The following KIDINS220 variants were observed in gnomAD, a reference collection of about 807,000 sequenced individuals.
The protein encoded by KIDINS220 is kinase D-interacting substrate of 220 kDa.
Under a neutral mutation model 157.6 loss-of-function variants are expected in KIDINS220, and 63 were observed. The ratio of observed to expected loss-of-function variants is 0.40; its 90% CI spans 0.33 to 0.49. The LOEUF (loss-of-function observed/expected upper bound fraction) is 0.49. KIDINS220 is among the 20% of genes least tolerant of loss of function. The pLI is 0.66. For synonymous variants in KIDINS220, 732 were observed against 783.6 expected (o/e 0.93, Z 1.10); for missense variants, 1,772 against 2,171.2 (o/e 0.82, Z 3.65).
intron 8 of KIDINS220, among the ~76,000 whole-genome samples, chr2:8,801,153 T>C (rs1341280706): frequency 6.6e-6 from 1 of 152,218 alleles, no homozygotes; most frequent in East Asian, 1.9e-4. Context: ...TATCTACCTA[T>C]ACTTAAAATA....
intron 26 of KIDINS220, 31 bp from the exon 27 acceptor site, chr2:8,737,030 A>T (rs754350921): frequency 6.2e-7 from 1 of 1,611,168 alleles, no homozygotes; most frequent in African/African-American, 1.3e-5. Context: ...TACAGGTATG[A>T]ATAAGCATTT....
intron 22 of KIDINS220, among the ~76,000 whole-genome samples, chr2:8,755,927 G>A (rs1667957172): frequency 6.6e-6 from 1 of 152,170 alleles, no homozygotes; most frequent in African/African-American, 2.4e-5. Context: ...CTCCAACTTT[G>A]TTCTTCTTTT....
rs183430636 is a variant in KIDINS220 at position 8,753,675 on chromosome 2, G to A, written c.3012-2031C>T. On this transcript the variant is annotated intron_variant, in intron 22 of 29. Coordinates refer to ENST00000256707, the MANE Select transcript of KIDINS220 (RefSeq NM_020738.4). ...TGCAGAGGAGCAGTAAGATTTTCACGCCCTTCAAAAAGTGAAATGGGAACC... is the reference window on the plus strand; with the variant it reads ...TGCAGAGGAGCAGTAAGATTTTCACACCCTTCAAAAAGTGAAATGGGAACC... Among the ~76,000 whole-genome samples the A allele has an allele frequency of 2.0e-5, 3 of 152,268 alleles. No individual in the cohort carries two copies. The East Asian group carries it at 5.8e-4, about 29-fold the overall frequency.
In KIDINS220 at chr2:8,798,265, T is replaced by C. The variant is rs747039408; in HGVS notation, c.936A>G (p.Lys312=). 2 of 1,611,668 alleles carry C rather than the reference T, an allele frequency of 1.2e-6. No individual in the cohort carries two copies. Among genetic ancestry groups the C allele is most frequent in the Non-Finnish European group, 8.5e-7 (1 of 1,177,986 alleles). ...TATCTCTCACCATTGTTGCATTTCC[T>C]TTCTCAACAGCCCAATACAAAGCAG... The part of the protein sequence containing the change: ...NKTALYWAVE[K]GNATMVRDIL... Residue 312 remains lysine, a synonymous_variant, in exon 10 of 30, where the codon AAA becomes AAG. Transcript: ENST00000256707.
chr2:8,827,842 C>T (rs1201846293), intron 1 of KIDINS220, among the ~76,000 whole-genome samples: 1 of 152,050 alleles, frequency 6.6e-6, no homozygotes, highest in African/African-American at 2.4e-5. Context: ...TTTTTTAAAA[C>T]TTTAACATAT....
chr2:8,824,203 A>G (rs1678417256), intron 2 of KIDINS220, among the ~76,000 whole-genome samples: 1 of 152,226 alleles, frequency 6.6e-6, no homozygotes, highest in Admixed American at 6.5e-5. Context: ...TAAGTATTCA[A>G]TAAAAACATT....
At chr2:8,791,919 T>C (rs2148279928) in intron 12 of KIDINS220, among the ~76,000 whole-genome samples, 1 of 152,270 alleles carries the variant, frequency 6.6e-6, no homozygotes, top group South Asian at 2.1e-4. Context: ...TGAAGGGTAG[T>C]TGCCACTGGA....
Position 8,778,958 on chromosome 2 carries a change from T to C in KIDINS220, c.2552A>G (p.Asn851Ser). Residue 851 changes from asparagine to serine, a missense_variant, in exon 19 of 30, where the codon AAT becomes AGT. This residue lies in a region of KIDINS220 where 725 missense variants were observed against 1,017.1 expected (regional missense o/e 0.71). Coordinates refer to ENST00000256707, the MANE Select transcript of KIDINS220 (RefSeq NM_020738.4). ...TGAAGTTACGAGAAATTTTCTTGCATTGCTTAGTCCACGACTATTAAGGAA... is the reference window on the plus strand; with the variant it reads ...TGAAGTTACGAGAAATTTTCTTGCACTGCTTAGTCCACGACTATTAAGGAA... ...PVFLNSRGLS[N>S]ARKFLVTSAT... 1.9e-6 allele frequency: 3 copies of C among 1,614,158 alleles called. No individual in the cohort carries two copies. The highest frequency in any genetic ancestry group is 2.5e-6 in the Non-Finnish European group (3 of 1,180,000).
chr2:8,779,622 T>C, intron 18 of KIDINS220, 52 bp downstream of exon 18: 1 of 1,554,654 alleles, frequency 6.4e-7, no homozygotes, highest in Non-Finnish European at 8.7e-7. Context: ...TCAAACATTC[T>C]CTCAAGTGCC....
At position 8,750,339 on chromosome 2, in the gene KIDINS220, A is replaced by G. The variant is rs1667179506; in HGVS notation, c.3191-4T>C. 6.5e-7 allele frequency: 1 copy of G among 1,541,716 alleles called. No homozygotes were observed. Among genetic ancestry groups the G allele is most frequent in the Non-Finnish European group, 8.8e-7 (1 of 1,138,278 alleles). Reference sequence around the variant, plus strand: ...TGCTCTCTGGCAGCACGAACATCTGAAAGATTCAATCAGACCCCAGAAGGC... The same window carrying G: ...TGCTCTCTGGCAGCACGAACATCTGGAAGATTCAATCAGACCCCAGAAGGC... On this transcript the variant is annotated splice_region_variant and splice_polypyrimidine_tract_variant and intron_variant, in intron 23 of 29. Transcript: ENST00000256707.
At chr2:8,740,970 G>A (rs984038785) in intron 26 of KIDINS220, among the ~76,000 whole-genome samples, 2 of 152,240 alleles carry the variant, frequency 1.3e-5, no homozygotes, top group Admixed American at 6.5e-5. Flanking sequence ...CTAGCCTGAC[G>A]TTTGATGTCT....
Position 8,822,183 on chromosome 2 carries a change from G to GGTTCCCATTTCTAC in KIDINS220, c.109-3404_109-3391dup, listed in dbSNP as rs560812283. The stretch of plus-strand genomic sequence containing the variant: ...ATCTTTTTGCTCTTCCCAATTTCTA[G>GGTTCCCATTTCTAC]GTTCCCATTTCTACTTATTTAAGTG... On this transcript the variant is annotated intron_variant, in intron 2 of 29. Coordinates refer to ENST00000256707, the MANE Select transcript of KIDINS220 (RefSeq NM_020738.4). Among the ~76,000 whole-genome samples, 611 of 152,144 alleles carry GGTTCCCATTTCTAC rather than the reference G, an allele frequency of 4.0e-3. 7 individuals are homozygous for GGTTCCCATTTCTAC. Among genetic ancestry groups the GGTTCCCATTTCTAC allele is most frequent in the African/African-American group, 0.014 (582 of 41,510 alleles).
At chr2:8,732,021 A>T in intron 29 of KIDINS220, 39 bp from the exon 30 acceptor site, 1 of 1,482,864 alleles carries the variant, frequency 6.7e-7, no homozygotes, top group South Asian at 1.4e-5. Context: ...AAATTCAAAT[A>T]AGAAGAAAAA....
chr2:8,747,507 C>A, intron 25 of KIDINS220: 1 of 451,864 alleles, frequency 2.2e-6, no homozygotes, highest in Non-Finnish European at 4.0e-6. Flanking sequence ...TCAATACATC[C>A]TCTATTTTTT....
chr2:8,821,976 C>T (rs1344742602), intron 2 of KIDINS220, among the ~76,000 whole-genome samples: 1 of 152,134 alleles, frequency 6.6e-6, no homozygotes, highest in Non-Finnish European at 1.5e-5. Flanking sequence ...CAGCAAATTC[C>T]ATGCCTATCT....
intron 1 of KIDINS220, among the ~76,000 whole-genome samples, chr2:8,832,975 G>A (rs1679873031): frequency 1.3e-5 from 2 of 151,988 alleles, no homozygotes; most frequent in Non-Finnish European, 2.9e-5. Flanking sequence ...CATAGGATGT[G>A]TGATGATCAA....
At chr2:8,767,181 A>G (rs1669595718) in intron 22 of KIDINS220, among the ~76,000 whole-genome samples, 1 of 152,206 alleles carries the variant, frequency 6.6e-6, no homozygotes, top group Non-Finnish European at 1.5e-5. Flanking sequence ...ATCTTTAAAA[A>G]GATAAAGATA....
intron 13 of KIDINS220, among the ~76,000 whole-genome samples, chr2:8,790,622 T>G (rs1038139613): frequency 3.9e-5 from 6 of 152,086 alleles, no homozygotes; most frequent in African/African-American, 1.4e-4. Context: ...CCTTGAAGAA[T>G]AAGTAAGCTT....
At chr2:8,794,740 T>C (rs1019558571) in intron 11 of KIDINS220, among the ~76,000 whole-genome samples, 2 of 152,234 alleles carry the variant, frequency 1.3e-5, no homozygotes, top group African/African-American at 4.8e-5. Flanking sequence ...TGCTCTCCTA[T>C]TGATTACTTC....
Sources: gnomAD v4.1 joint callset for allele counts (sites outside exome capture counted in the v4.1 genomes callset) on GRCh38, gnomAD v4.1.1 for gene constraint, gnomAD v4.1.1 regional missense constraint, MANE v1.5 for transcripts, NCBI Gene and HGNC (gene_info 2026-07-23, HGNC 2026-07-21) for gene names.